Variants in SPG7 observed in about 807,000 individuals in gnomAD.
The protein encoded by SPG7 is mitochondrial inner membrane m-AAA protease component paraplegin.
SPG7 carries 103 observed loss-of-function variants against 81.9 expected under a neutral mutation model. The observed-to-expected ratio is 1.26, with a 90% CI of 1.07 to 1.48. SPG7 has a LOEUF of 1.48. Ranked by LOEUF, SPG7 falls within the 40% of genes most tolerant of loss-of-function variation. SPG7 has a pLI of 0.00. For missense variants in SPG7, 1,241 were observed against 1,087.3 expected (o/e 1.14, Z -1.99); for synonymous variants, 534 against 444.2 (o/e 1.20, Z -2.54).
intron 10 of SPG7, chr16:89,545,673 A>C: frequency 3.8e-6 from 1 of 262,870 alleles, no homozygotes; most frequent in South Asian, 3.2e-5. Context: ...TCTCCAGGGG[A>C]GGGCAGCTTC....
intron 9 of SPG7, chr16:89,544,151 GA>G: frequency 4.3e-6 from 1 of 232,670 alleles, no homozygotes; most frequent in South Asian, 6.1e-5. Context: ...ATACACCAGG[GA>G]TCAGTGATCG....
intron 12 of SPG7, 122 bp downstream of exon 12, chr16:89,548,235 G>A (rs775603364): frequency 1.4e-5 from 10 of 713,880 alleles, no homozygotes; most frequent in Non-Finnish European, 2.3e-5. Flanking sequence ...CACACGTTGC[G>A]TTTCAGTTCT....
chr16:89,535,473 C>T (rs1165362202), intron 9 of SPG7, among the ~76,000 whole-genome samples: 3 of 152,188 alleles, frequency 2.0e-5, no homozygotes, highest in African/African-American at 4.8e-5. Context: ...TGCTGCTTGT[C>T]CCCCGTGTCT....
intron 1 of SPG7, chr16:89,508,968 G>A (rs1372723353): frequency 2.2e-5 from 11 of 492,448 alleles, no homozygotes; most frequent in Non-Finnish European, 4.4e-5. Flanking sequence ...CCGTCACCAG[G>A]AATTCCAGCG....
At chr16:89,516,977 G>A (rs144202878) in intron 3 of SPG7, 4 of 152,324 alleles carry the variant, frequency 2.6e-5, no homozygotes, top group East Asian at 1.9e-4. Flanking sequence ...CAGTGGAAGC[G>A]GATCACCATA....
At chr16:89,526,679 C>G in intron 5 of SPG7, 2 of 539,210 alleles carry the variant, frequency 3.7e-6, no homozygotes, top group Non-Finnish European at 6.8e-6. Flanking sequence ...GGCTGGTTCT[C>G]GGACTTCCCA....
intron 3 of SPG7, chr16:89,518,853 CATGGG>C (rs2058142626): frequency 6.6e-6 from 1 of 152,284 alleles, no homozygotes. Context: ...GCGCGTGTGT[CATGGG>C]ATGACCCCGG....
chr16:89,508,871 C>T (rs970362922), intron 1 of SPG7: 7 of 649,842 alleles, frequency 1.1e-5, no homozygotes, highest in Non-Finnish European at 1.7e-5. Flanking sequence ...TGGATGTTCT[C>T]CGCCCGTCTT....
At chr16:89,552,662 C>T (rs551042388) in intron 13 of SPG7, 28 of 393,370 alleles carry the variant, frequency 7.1e-5, no homozygotes, top group Admixed American at 6.9e-4. Context: ...GTCAGCGCAG[C>T]GGCCATCGGG....
intron 3 of SPG7, chr16:89,522,277 T>A (rs1451149559): frequency 6.6e-6 from 1 of 152,212 alleles, no homozygotes; most frequent in African/African-American, 2.4e-5. Context: ...ATTTAAAAAT[T>A]GTTTGAATTC....
chr16:89,516,151 C>G (rs2058093602), intron 3 of SPG7, among the ~76,000 whole-genome samples: 1 of 152,130 alleles, frequency 6.6e-6, no homozygotes, highest in East Asian at 1.9e-4. Flanking sequence ...CCAAGCCCAG[C>G]TAATTTTTGT....
chr16:89,539,109 T>C (rs992912516), intron 9 of SPG7: 3 of 152,250 alleles, frequency 2.0e-5, no homozygotes, highest in African/African-American at 7.2e-5. Context: ...CACAGCCCTT[T>C]TTTGGACATG....
intron 16 of SPG7, 29 bp from the exon 17 acceptor site, chr16:89,556,858 T>C: frequency 6.4e-7 from 1 of 1,569,406 alleles, no homozygotes; most frequent in Non-Finnish European, 8.8e-7. Flanking sequence ...CCCTGGGGAC[T>C]CACACACTGC....
At chr16:89,544,325 T>TG (rs1385239685) in intron 9 of SPG7, 6 of 221,346 alleles carry the variant, frequency 2.7e-5, no homozygotes, top group Admixed American at 2.3e-4. Context: ...CGGTGGGGGG[T>TG]GGGGGGTGGC....
intron 3 of SPG7, chr16:89,516,909 T>A (rs2058104610): frequency 6.6e-6 from 1 of 151,556 alleles, no homozygotes; most frequent in South Asian, 2.1e-4. Context: ...GAGACTCTTG[T>A]CTCAAAAAAA....
intron 9 of SPG7, chr16:89,537,613 C>A: frequency 1.1e-6 from 1 of 926,712 alleles, no homozygotes; most frequent in Non-Finnish European, 1.3e-6. Context: ...CTCACTGCAG[C>A]CTCCACCTCC....
At chr16:89,546,593 C>G (rs997624951) in intron 10 of SPG7, 65 bp from the exon 11 acceptor site, 1 of 1,004,562 alleles carries the variant, frequency 1.0e-6, no homozygotes, top group Non-Finnish European at 1.6e-6. Flanking sequence ...CACAGACAAA[C>G]ATGCCGCACC....
chr16:89,512,683 CTA>C (rs1364142530), intron 2 of SPG7, among the ~76,000 whole-genome samples: 1 of 152,188 alleles, frequency 6.6e-6, no homozygotes, highest in Admixed American at 6.5e-5. Context: ...GTGTTCATAA[CTA>C]TTTTTTATTC....
At chr16:89,529,059 G>T (rs374097018) in intron 5 of SPG7, 5 of 277,248 alleles carry the variant, frequency 1.8e-5, no homozygotes, top group South Asian at 1.4e-4. Flanking sequence ...TGATTCACCC[G>T]CCACGGCCTC....
Sources: allele counts gnomAD v4.1 joint callset (sites outside exome capture counted in the v4.1 genomes callset), GRCh38; gene constraint gnomAD v4.1.1; transcripts MANE v1.5; gene names NCBI Gene and HGNC (gene_info 2026-07-23, HGNC 2026-07-21).